Variants in CNTNAP2 observed in about 807,000 individuals in gnomAD.
CNTNAP2 encodes the protein contactin associated protein 2.
CNTNAP2 carries 98 observed loss-of-function variants against 155.2 expected under a neutral mutation model. The observed-to-expected ratio is 0.63, with a 90% CI of 0.54 to 0.75. The LOEUF is 0.75. Ranked by LOEUF, CNTNAP2 falls within the 30% of genes least tolerant of loss-of-function variation. CNTNAP2 has a pLI of 0.00. For synonymous variants in CNTNAP2, 651 were observed against 631.2 expected, an observed-to-expected ratio of 1.03 and a Z score of -0.47; for missense variants, 1,727 against 1,688.1, an observed-to-expected ratio of 1.02 and a Z score of -0.40.
chr7:146,989,725 G>A lies in CNTNAP2; in HGVS notation c.403-54182G>A, dbSNP rs73463281. On this transcript the variant is annotated intron_variant, in intron 3 of 23. Coordinates refer to ENST00000361727, the MANE Select transcript of CNTNAP2 (RefSeq NM_014141.6). The stretch of plus-strand genomic sequence containing the variant: ...CTATCCAATCCATCCCTTATCCATC[G>A]CATTTTTCAACCTCATGAAATGCTT... 3.4e-3 allele frequency among the ~76,000 whole-genome samples: 516 copies of A among 152,054 alleles called. 3 individuals are homozygous for A. Among genetic ancestry groups the A allele is most frequent in the African/African-American group, 0.012 (485 of 41,476 alleles).
chr7:147,056,700 GCTAT>G (rs1339455100), intron 4 of CNTNAP2, among the ~76,000 whole-genome samples: 1 of 152,180 alleles, frequency 6.6e-6, no homozygotes, highest in East Asian at 1.9e-4. Flanking sequence ...GTCCCAGAAG[GCTAT>G]CTGAGTAATA....
intron 1 of CNTNAP2, among the ~76,000 whole-genome samples, chr7:146,719,684 A>G (rs2129176844): frequency 6.6e-6 from 1 of 152,086 alleles, no homozygotes; most frequent in African/African-American, 2.4e-5. Flanking sequence ...TTCAGTTTTC[A>G]AAGACATCTG....
chr7:146,708,807 CG>C (rs1440686585), intron 1 of CNTNAP2, among the ~76,000 whole-genome samples: 4 of 151,632 alleles, frequency 2.6e-5, no homozygotes, highest in African/African-American at 9.7e-5. Context: ...AGGCTGGTCT[CG>C]AACTCCTGAC....
chr7:147,578,090 T>G (rs973775405), intron 12 of CNTNAP2, among the ~76,000 whole-genome samples: 1 of 152,114 alleles, frequency 6.6e-6, no homozygotes. Flanking sequence ...AGGACCAAAC[T>G]TGCTCAGAAA....
At chr7:147,842,083 C>T (rs958279947) in intron 13 of CNTNAP2, among the ~76,000 whole-genome samples, 1 of 152,186 alleles carries the variant, frequency 6.6e-6, no homozygotes, top group Non-Finnish European at 1.5e-5. Context: ...ATGTGTTACA[C>T]AGGTGCTTAA....
chr7:148,180,238 C>A (rs1387573685), intron 18 of CNTNAP2, among the ~76,000 whole-genome samples: 1 of 152,138 alleles, frequency 6.6e-6, no homozygotes, highest in Non-Finnish European at 1.5e-5. Flanking sequence ...GCTTCTTTTT[C>A]ATTTTCAGTT....
intron 3 of CNTNAP2, among the ~76,000 whole-genome samples, chr7:146,923,000 A>G (rs568029573): frequency 3.3e-5 from 5 of 152,330 alleles, no homozygotes; most frequent in South Asian, 2.1e-4. Context: ...TTTCAATCAC[A>G]TTTTAAGACA....
chr7:146,293,998 T>G (rs1800473434), intron 1 of CNTNAP2, among the ~76,000 whole-genome samples: 1 of 152,100 alleles, frequency 6.6e-6, no homozygotes, highest in Non-Finnish European at 1.5e-5. Flanking sequence ...GATGGCAGTT[T>G]CTGAAAAGAT....
intron 1 of CNTNAP2, among the ~76,000 whole-genome samples, chr7:146,560,575 C>T (rs1320727987): frequency 6.6e-6 from 1 of 152,122 alleles, no homozygotes; most frequent in Non-Finnish European, 1.5e-5. Context: ...CTAAGCCCTA[C>T]TCTAGCTGAT....
chr7:148,093,952 T>C (rs1803906457), intron 15 of CNTNAP2, among the ~76,000 whole-genome samples: 1 of 152,078 alleles, frequency 6.6e-6, no homozygotes, highest in South Asian at 2.1e-4. Flanking sequence ...GAGACAGGAT[T>C]TCGCAATGTT....
intron 20 of CNTNAP2, among the ~76,000 whole-genome samples, chr7:148,263,985 A>G (rs1365570293): frequency 1.3e-5 from 2 of 152,188 alleles, no homozygotes; most frequent in Admixed American, 1.3e-4. Context: ...GGTCATGCCA[A>G]ACCTGAGGAC....
rs869125044 is a variant in CNTNAP2, at chr7:147,062,127, C to CAAAAAAAAAAAAAAAAAAAAAA, written c.550+18095_550+18116dup. Among the ~76,000 whole-genome samples the CAAAAAAAAAAAAAAAAAAAAAA allele has an allele frequency of 6.7e-5, 3 of 44,938 alleles. 1 individual carries two copies. The highest frequency in any genetic ancestry group is 3.7e-5 in the Non-Finnish European group (1 of 27,202). 29.5% of individuals were successfully genotyped at this position (44,938 alleles called of 152,430 possible). ...TGGGCGACAGAGCGAGACTCCGTCT[C>CAAAAAAAAAAAAAAAAAAAAAA]AAAAAAAAAAAAAAAAAAAAAAAAA... is the stretch of plus-strand genomic sequence containing the variant. On this transcript the variant is annotated intron_variant, in intron 4 of 23. Transcript: ENST00000361727.
intron 10 of CNTNAP2, among the ~76,000 whole-genome samples, chr7:147,466,148 G>A (rs1798115883): frequency 6.6e-6 from 1 of 152,156 alleles, no homozygotes; most frequent in Non-Finnish European, 1.5e-5. Flanking sequence ...AACCAAGTGT[G>A]GACAGCCATC....
At chr7:148,193,971 C>CTT (rs34642827) in intron 18 of CNTNAP2, among the ~76,000 whole-genome samples, 2 of 141,036 alleles carry the variant, frequency 1.4e-5, no homozygotes, top group African/African-American at 5.2e-5. Flanking sequence ...TTAACACTGC[C>CTT]TTTTTTTTTT....
rs192688569 is a variant in CNTNAP2, at chr7:146,895,317, G to A, written c.402+55413G>A. ...CCCTCCCGCCCTCCTTCCTTCCTCC[G>A]TCCTTCCCTCCCTCCCTTCCTTTCT... On this transcript the variant is annotated intron_variant, in intron 3 of 23. Coordinates refer to ENST00000361727, the MANE Select transcript of CNTNAP2 (RefSeq NM_014141.6). Among the ~76,000 whole-genome samples the A allele has an allele frequency of 3.2e-3, 357 of 113,252 alleles. 1 individual carries two copies. The highest frequency in any genetic ancestry group is 7.0e-3 in the Middle Eastern group (1 of 142). 74.3% of individuals were successfully genotyped at this position (113,252 alleles called of 152,430 possible).
At chr7:146,519,394 A>G (rs1433427484) in intron 1 of CNTNAP2, among the ~76,000 whole-genome samples, 2 of 151,896 alleles carry the variant, frequency 1.3e-5, no homozygotes, top group Non-Finnish European at 2.9e-5. Context: ...TTTCAACTCT[A>G]CTAATCTTTG....
At chr7:146,208,644 G>C (rs555847185) in intron 1 of CNTNAP2, 2 of 151,984 alleles carry the variant, frequency 1.3e-5, no homozygotes, top group East Asian at 3.9e-4. Flanking sequence ...AATTAGCTGG[G>C]CCCATTGCCA....
chr7:147,182,142 A>AG (rs1271269182), intron 8 of CNTNAP2, among the ~76,000 whole-genome samples: 4 of 151,370 alleles, frequency 2.6e-5, no homozygotes, highest in Non-Finnish European at 4.4e-5. Context: ...AAAAAAAAAA[A>AG]AAAAGAAAGT....
chr7:147,134,239 ATTT>A (rs1801434451), intron 8 of CNTNAP2, among the ~76,000 whole-genome samples: 1 of 151,968 alleles, frequency 6.6e-6, no homozygotes, highest in Non-Finnish European at 1.5e-5. Flanking sequence ...ATTTGGTGTA[ATTT>A]AGTACTCCAA....
Sources: allele counts gnomAD v4.1 joint callset (sites outside exome capture counted in the v4.1 genomes callset), GRCh38; gene constraint gnomAD v4.1.1; transcripts MANE v1.5; gene names NCBI Gene and HGNC (gene_info 2026-07-23, HGNC 2026-07-21).